TMPRSS11F: variants seen among roughly 807,000 people sequenced by gnomAD.
TMPRSS11F encodes transmembrane protease serine 11F.
In TMPRSS11F, 47 loss-of-function variants were observed where a neutral mutation model predicts 60.2. That is an observed-to-expected ratio of 0.78 (90% CI 0.62 to 1.00). The LOEUF is 1.00. TMPRSS11F is among the 50% of genes least tolerant of loss of function. The pLI is 0.00. For synonymous variants in TMPRSS11F, 166 were observed against 167.3 expected (o/e 0.99, Z 0.06); for missense variants, 519 against 522.9 (o/e 0.99, Z 0.07).
intron 1 of TMPRSS11F, among the ~76,000 whole-genome samples, chr4:68,125,088 A>G (rs1724691575): frequency 1.3e-5 from 2 of 151,708 alleles, no homozygotes; most frequent in African/African-American, 4.8e-5. Flanking sequence ...CCAGGAAAAG[A>G]CTTCATAAAC....
intron 5 of TMPRSS11F, 95 bp downstream of exon 5, chr4:68,072,228 A>ATAT (rs1491207172): frequency 2.3e-4 from 20 of 86,812 alleles, no homozygotes; most frequent in Admixed American, 4.4e-4. Context: ...TTCCAAAAAA[A>ATAT]AAATATATAT....
chr4:68,063,036 C>A, intron 8 of TMPRSS11F: 1 of 666,922 alleles, frequency 1.5e-6, no homozygotes, highest in South Asian at 1.4e-5. Flanking sequence ...ATTTGGGAGT[C>A]ACAGACACAT....
intron 5 of TMPRSS11F, among the ~76,000 whole-genome samples, chr4:68,070,329 C>A (rs185613920): frequency 0.036 from 5,423 of 152,050 alleles, 273 homozygotes; most frequent in African/African-American, 0.11. Flanking sequence ...TTTGGGGGCT[C>A]CAGTATAATC....
intron 2 of TMPRSS11F, among the ~76,000 whole-genome samples, chr4:68,095,895 CAAAAAAAAAAA>C (rs56309846): frequency 1.2e-5 from 1 of 83,556 alleles, no homozygotes; most frequent in Non-Finnish European, 2.2e-5. Context: ...GATTCCATCT[CAAAAAAAAAAA>C]AAAAAAAAAA....
chr4:68,089,309 T>C (rs1318968372), intron 3 of TMPRSS11F, among the ~76,000 whole-genome samples: 4 of 152,128 alleles, frequency 2.6e-5, no homozygotes, highest in African/African-American at 9.7e-5. Flanking sequence ...ACTATATCAA[T>C]GAAAACAGGG....
intron 1 of TMPRSS11F, among the ~76,000 whole-genome samples, chr4:68,114,615 A>T (rs1724477506): frequency 6.6e-6 from 1 of 152,124 alleles, no homozygotes. Context: ...AATAGAAAAA[A>T]AGGAAATGCT....
At chr4:68,085,601 T>C (rs1185194254) in intron 3 of TMPRSS11F, among the ~76,000 whole-genome samples, 1 of 152,152 alleles carries the variant, frequency 6.6e-6, no homozygotes, top group Non-Finnish European at 1.5e-5. Flanking sequence ...ATGGTCTAAA[T>C]GTCCCATTTA....
chr4:68,112,759 CATT>C (rs1469471403), intron 1 of TMPRSS11F, among the ~76,000 whole-genome samples: 1 of 152,098 alleles, frequency 6.6e-6, no homozygotes, highest in African/African-American at 2.4e-5. Flanking sequence ...GTTTAATAAA[CATT>C]ATTGAGTATG....
chr4:68,069,435 T>C (rs979448675), intron 6 of TMPRSS11F, among the ~76,000 whole-genome samples: 1 of 152,184 alleles, frequency 6.6e-6, no homozygotes, highest in Non-Finnish European at 1.5e-5. Context: ...TCTTCCCTGA[T>C]TTCAAACCCT....
At chr4:68,071,357 G>T (rs2109844330) in intron 5 of TMPRSS11F, among the ~76,000 whole-genome samples, 1 of 152,230 alleles carries the variant, frequency 6.6e-6, no homozygotes, top group Admixed American at 6.5e-5. Flanking sequence ...TAGATAACTT[G>T]TTTCCTAAAT....
chr4:68,054,605 G>A (rs938459708), intron 9 of TMPRSS11F, among the ~76,000 whole-genome samples: 11 of 152,102 alleles, frequency 7.2e-5, no homozygotes, highest in Non-Finnish European at 8.8e-5. Context: ...ACATGTGGTC[G>A]TTAAAAGTGT....
At chr4:68,058,549 G>A (rs1220573222) in intron 9 of TMPRSS11F, among the ~76,000 whole-genome samples, 1 of 152,198 alleles carries the variant, frequency 6.6e-6, no homozygotes. Context: ...AAATAAAATA[G>A]ATTAAAATAT....
intron 3 of TMPRSS11F, chr4:68,077,162 TATATACC>T (rs1723602210): frequency 1.3e-5 from 2 of 152,252 alleles, no homozygotes; most frequent in African/African-American, 4.8e-5. Flanking sequence ...TGTCACTCAA[TATATACC>T]ATGAGCATAC....
At chr4:68,069,094 A>G (rs1455754587) in intron 6 of TMPRSS11F, among the ~76,000 whole-genome samples, 3 of 152,188 alleles carry the variant, frequency 2.0e-5, no homozygotes, top group African/African-American at 7.2e-5. Context: ...AAATGTATAG[A>G]TCCTCTGCTA....
chr4:68,087,019 TCAA>T, intron 3 of TMPRSS11F, among the ~76,000 whole-genome samples: 1 of 152,210 alleles, frequency 6.6e-6, no homozygotes, highest in East Asian at 1.9e-4. Context: ...CCTAATTCAT[TCAA>T]CAAAGCTAGC....
intron 2 of TMPRSS11F, among the ~76,000 whole-genome samples, chr4:68,092,857 A>G (rs1723972679): frequency 6.6e-6 from 1 of 152,010 alleles, no homozygotes; most frequent in South Asian, 2.1e-4. Flanking sequence ...TAGAAGTAAA[A>G]GTGATTTTAA....
intron 3 of TMPRSS11F, among the ~76,000 whole-genome samples, chr4:68,081,909 ACCT>A (rs1723702243): frequency 6.6e-6 from 1 of 152,132 alleles, no homozygotes; most frequent in African/African-American, 2.4e-5. Flanking sequence ...TGTTTCACTC[ACCT>A]CCTCTCTTTG....
At chr4:68,106,601 G>C (rs961944998) in intron 1 of TMPRSS11F, among the ~76,000 whole-genome samples, 1 of 152,120 alleles carries the variant, frequency 6.6e-6, no homozygotes, top group Non-Finnish European at 1.5e-5. Flanking sequence ...GAAACTGCGG[G>C]GGGAGGGGTT....
At chr4:68,089,094 A>T (rs1723875335) in intron 3 of TMPRSS11F, among the ~76,000 whole-genome samples, 1 of 152,128 alleles carries the variant, frequency 6.6e-6, no homozygotes, top group South Asian at 2.1e-4. Flanking sequence ...GGTCCAAATC[A>T]CCAAAGCAAT....
Sources: allele counts gnomAD v4.1 joint callset (sites outside exome capture counted in the v4.1 genomes callset), GRCh38; gene constraint gnomAD v4.1.1; transcripts MANE v1.5; gene names NCBI Gene and HGNC (gene_info 2026-07-23, HGNC 2026-07-21).